The following SLC35F1 variants were observed in gnomAD, a reference collection of about 807,000 sequenced individuals.
SLC35F1 encodes solute carrier family 35 member F1.
SLC35F1 carries 14 observed loss-of-function variants against 48.7 expected under a neutral mutation model. That is an observed-to-expected ratio of 0.29 (90% CI 0.19 to 0.45). The LOEUF (loss-of-function observed/expected upper bound fraction) is 0.45. Ranked by LOEUF, SLC35F1 falls within the 20% of genes least tolerant of loss-of-function variation. The pLI is 1.00. For missense variants in SLC35F1, 404 were observed against 500.0 expected (o/e 0.81, Z 1.83); for synonymous variants, 190 against 202.2 (o/e 0.94, Z 0.51).
Position 118,005,492 on chromosome 6 carries a change from A to G in SLC35F1, c.173+97593A>G, listed in dbSNP as rs1239627165. Among the ~76,000 whole-genome samples the G allele has an allele frequency of 2.6e-5, 4 of 152,032 alleles. No homozygotes were observed. In the East Asian group the frequency reaches 7.7e-4, roughly 29 times the overall value. On this transcript the variant is annotated intron_variant, in intron 1 of 7. Coordinates refer to ENST00000360388, the MANE Select transcript of SLC35F1 (RefSeq NM_001029858.4). ...TTTAGGGTGACTCTAGACATTCCCT[A>G]TTCTTCCTAGTCTTATGATTTTGCC... is the stretch of plus-strand genomic sequence containing the variant.
intron 1 of SLC35F1, among the ~76,000 whole-genome samples, chr6:117,995,150 G>A (rs1333576567): frequency 6.6e-6 from 1 of 152,094 alleles, no homozygotes; most frequent in African/African-American, 2.4e-5. Context: ...ATTTTGCAAG[G>A]TAACTATTTT....
chr6:118,266,910 T>C, intron 3 of SLC35F1, 85 bp from the exon 4 acceptor site: 1 of 1,486,412 alleles, frequency 6.7e-7, no homozygotes, highest in South Asian at 1.2e-5. Context: ...GAACCCTTTC[T>C]GCAGAACTAA....
At chr6:117,916,470 T>C (rs1302311935) in intron 1 of SLC35F1, among the ~76,000 whole-genome samples, 2 of 152,040 alleles carry the variant, frequency 1.3e-5, no homozygotes, top group East Asian at 3.9e-4. Context: ...CGGTTCCTCA[T>C]TGTGGGGGCA....
At chr6:118,240,540 G>C (rs1775425197) in intron 3 of SLC35F1, among the ~76,000 whole-genome samples, 1 of 152,166 alleles carries the variant, frequency 6.6e-6, no homozygotes, top group Admixed American at 6.6e-5. Context: ...AATAAATACT[G>C]TACATATTCT....
At chr6:118,124,651 C>T (rs1227802365) in intron 1 of SLC35F1, among the ~76,000 whole-genome samples, 2 of 152,118 alleles carry the variant, frequency 1.3e-5, no homozygotes, top group South Asian at 4.1e-4. Flanking sequence ...CCCAGGGTGA[C>T]CTATCATGAC....
intron 1 of SLC35F1, among the ~76,000 whole-genome samples, chr6:118,028,993 A>G (rs1392033832): frequency 6.6e-6 from 1 of 152,070 alleles, no homozygotes; most frequent in Non-Finnish European, 1.5e-5. Flanking sequence ...TAATACAAAG[A>G]TTTATCTTAT....
At chr6:118,001,183 T>C (rs895800900) in intron 1 of SLC35F1, among the ~76,000 whole-genome samples, 1 of 152,206 alleles carries the variant, frequency 6.6e-6, no homozygotes, top group Non-Finnish European at 1.5e-5. Context: ...GGCATCACAC[T>C]ACCTGACTTC....
intron 1 of SLC35F1, among the ~76,000 whole-genome samples, chr6:118,035,682 A>ATTTTTTTTTTTTTTTTTTTTTTTTTT (rs745704672): frequency 1.1e-5 from 1 of 87,302 alleles, no homozygotes. Flanking sequence ...GGCTTTGTTA[A>ATTTTTTTTTTTTTTTTTTTTTTTTTT]TTTTTTTTTT....
chr6:118,298,811 A>T (rs1776223302), intron 7 of SLC35F1, among the ~76,000 whole-genome samples: 1 of 152,178 alleles, frequency 6.6e-6, no homozygotes, highest in Non-Finnish European at 1.5e-5. Context: ...TGCTACCAAA[A>T]ATTTGGCTGG....
At chr6:118,211,662 T>A (rs1230474992) in intron 2 of SLC35F1, among the ~76,000 whole-genome samples, 1 of 152,208 alleles carries the variant, frequency 6.6e-6, no homozygotes, top group East Asian at 1.9e-4. Flanking sequence ...GAACATGTCA[T>A]GCTGACTATA....
intron 2 of SLC35F1, among the ~76,000 whole-genome samples, chr6:118,162,352 G>A (rs1342630732): frequency 6.6e-6 from 1 of 152,182 alleles, no homozygotes; most frequent in Non-Finnish European, 1.5e-5. Flanking sequence ...TAGATCAGTG[G>A]TTTCCAGAGC....
At chr6:118,087,105 A>T (rs1427997993) in intron 1 of SLC35F1, among the ~76,000 whole-genome samples, 5 of 152,134 alleles carry the variant, frequency 3.3e-5, no homozygotes, top group Non-Finnish European at 7.4e-5. Context: ...GGCTTAACCA[A>T]CAGAAATTTA....
chr6:118,039,804 T>TTTG (rs1488702571), intron 1 of SLC35F1, among the ~76,000 whole-genome samples: 1 of 145,902 alleles, frequency 6.9e-6, no homozygotes, highest in Non-Finnish European at 1.5e-5. Context: ...GGATTGTTTT[T>TTTG]TTTGTTTTTT....
intron 1 of SLC35F1, chr6:117,999,050 T>A (rs1046234259): frequency 6.8e-7 from 1 of 1,480,176 alleles, no homozygotes. Flanking sequence ...GAAACCCCGA[T>A]CACAAAGATA....
At chr6:118,193,986 GT>G (rs1774768157) in intron 2 of SLC35F1, among the ~76,000 whole-genome samples, 2 of 152,096 alleles carry the variant, frequency 1.3e-5, no homozygotes, top group Non-Finnish European at 1.5e-5. Flanking sequence ...AGCCATTACA[GT>G]TTTTATTTTT....
chr6:118,242,583 G>T (rs902001490), intron 3 of SLC35F1, among the ~76,000 whole-genome samples: 5 of 152,206 alleles, frequency 3.3e-5, no homozygotes, highest in African/African-American at 7.2e-5. Flanking sequence ...AGGATGAATA[G>T]ATTGTGCTGT....
chr6:118,093,479 G>T (rs1430290091), intron 1 of SLC35F1, among the ~76,000 whole-genome samples: 2 of 152,170 alleles, frequency 1.3e-5, no homozygotes, highest in Non-Finnish European at 2.9e-5. Flanking sequence ...ATGGGGGCAG[G>T]TTATTCCCAT....
chr6:118,075,968 G>GATGAAGCA (rs1340131674), intron 1 of SLC35F1, among the ~76,000 whole-genome samples: 2 of 152,106 alleles, frequency 1.3e-5, no homozygotes, highest in African/African-American at 4.8e-5. Context: ...CTTCCATGTG[G>GATGAAGCA]ATGAAGCAGA....
chr6:117,932,925 C>T (rs1378831839), intron 1 of SLC35F1, among the ~76,000 whole-genome samples: 4 of 152,166 alleles, frequency 2.6e-5, no homozygotes, highest in South Asian at 2.1e-4. Flanking sequence ...ATAGACTTCT[C>T]GGAAGTTGCT....
Sources: allele counts gnomAD v4.1 joint callset (sites outside exome capture counted in the v4.1 genomes callset), GRCh38; gene constraint gnomAD v4.1.1; transcripts MANE v1.5; gene names NCBI Gene and HGNC (gene_info 2026-07-23, HGNC 2026-07-21).